The following HSPA12A variants were observed in gnomAD, a reference collection of about 807,000 sequenced individuals.
HSPA12A encodes heat shock protein family A (Hsp70) member 12A, also known as heat shock 70 kDa protein 12A.
A neutral mutation model predicts 69.2 loss-of-function variants in HSPA12A; 28 were observed. The ratio of observed to expected loss-of-function variants is 0.40; its 90% CI spans 0.30 to 0.55. The LOEUF is 0.55. Ranked by LOEUF, HSPA12A falls within the 20% of genes least tolerant of loss-of-function variation. The pLI, the probability that HSPA12A is intolerant of heterozygous loss-of-function variation, is 0.38. For missense variants in HSPA12A, 686 were observed against 900.7 expected (o/e 0.76, Z 3.05); for synonymous variants, 345 against 370.5 (o/e 0.93, Z 0.79).
intron 2 of HSPA12A, among the ~76,000 whole-genome samples, chr10:116,797,373 T>C (rs1004885289): frequency 6.7e-4 from 102 of 152,172 alleles, no homozygotes; most frequent in African/African-American, 2.5e-3. Flanking sequence ...CAGAAGGACC[T>C]GTGGACCAGC....
At position 116,676,497 on chromosome 10, in the gene HSPA12A, T is replaced by C; in HGVS notation, c.1292A>G (p.Asp431Gly). ...VEHALRKSNVDFVKWSSQGML... is the reference protein window; with the variant it reads ...VEHALRKSNVGFVKWSSQGML... ...CCCCTGCGAGGACCACTTCACAAAATCCACACTGCAGGAGCATAGCATGGA... is the reference window on the plus strand; with the variant it reads ...CCCCTGCGAGGACCACTTCACAAAACCCACACTGCAGGAGCATAGCATGGA... The change falls in exon 11 of 12, where the codon GAT (aspartate) becomes GGT (glycine). Residue 431 changes from aspartate (D) to glycine (G), a missense_variant. Asp to Gly is a moderately conservative substitution (Grantham distance 94, BLOSUM62 -1). Transcript: ENST00000369209. 1 of 1,613,228 alleles carries C rather than the reference T, an allele frequency of 6.2e-7. No individual in the cohort carries two copies.
chr10:116,756,956 G>A (rs782695215), intron 2 of HSPA12A, among the ~76,000 whole-genome samples: 6 of 152,126 alleles, frequency 3.9e-5, no homozygotes, highest in South Asian at 2.1e-4. Flanking sequence ...TCTCCATGGC[G>A]TATGTAACTC....
intron 1 of HSPA12A, among the ~76,000 whole-genome samples, chr10:116,715,207 C>G (rs1554883635): frequency 1.3e-5 from 2 of 152,208 alleles, no homozygotes; most frequent in African/African-American, 4.8e-5. Flanking sequence ...TCCAGTAGGT[C>G]TGAGGCTGGC....
At chr10:116,779,746 G>T (rs755850655) in intron 2 of HSPA12A, among the ~76,000 whole-genome samples, 10 of 152,118 alleles carry the variant, frequency 6.6e-5, no homozygotes, top group Non-Finnish European at 1.3e-4. Flanking sequence ...AATAACGCTG[G>T]GCATGTTGGG....
In HSPA12A at chr10:116,692,826, G is replaced by C. The variant is rs145630951; in HGVS notation, c.547-359C>G. On this transcript the variant is annotated intron_variant, in intron 5 of 11. Coordinates refer to ENST00000369209, the MANE Select transcript of HSPA12A (RefSeq NM_025015.3). ...TGCCAAGCTCCAACGATTGTTGAGA[G>C]GATTGATGATTTATGGAGAGCTACA... Among the ~76,000 whole-genome samples the C allele has an allele frequency of 1.9e-4, 29 of 152,290 alleles. No homozygotes were observed. The East Asian group carries it at 5.6e-3, about 29-fold the overall frequency.
intron 10 of HSPA12A, among the ~76,000 whole-genome samples, chr10:116,676,809 G>A (rs983717003): frequency 1.3e-5 from 2 of 152,196 alleles, no homozygotes; most frequent in Non-Finnish European, 2.9e-5. Context: ...TCTTTCGCAG[G>A]ACCACACTTT....
chr10:116,846,901 T>C (rs1845898206), intron 1 of HSPA12A, among the ~76,000 whole-genome samples: 1 of 152,178 alleles, frequency 6.6e-6, no homozygotes, highest in Non-Finnish European at 1.5e-5. Context: ...CCTTCTTCTC[T>C]AAACCCTTTT....
chr10:116,742,223 T>G (rs1380972551), intron 1 of HSPA12A, among the ~76,000 whole-genome samples: 1 of 151,770 alleles, frequency 6.6e-6, no homozygotes, highest in Non-Finnish European at 1.5e-5. Context: ...GCGCAGAACA[T>G]GTGACCCGCG....
chr10:116,847,018 G>A (rs1025251650), intron 1 of HSPA12A, among the ~76,000 whole-genome samples: 6 of 152,038 alleles, frequency 3.9e-5, no homozygotes, highest in South Asian at 4.2e-4. Context: ...CAAAGGATTC[G>A]TCTGTTCTTA....
chr10:116,808,163 A>T (rs978158718), intron 2 of HSPA12A, among the ~76,000 whole-genome samples: 4 of 152,084 alleles, frequency 2.6e-5, no homozygotes, highest in East Asian at 1.9e-4. Flanking sequence ...GGAATATAGA[A>T]GAGTTTGGCG....
intron 2 of HSPA12A, among the ~76,000 whole-genome samples, chr10:116,807,012 C>T (rs143758253): frequency 6.6e-6 from 1 of 152,298 alleles, no homozygotes; most frequent in African/African-American, 2.4e-5. Flanking sequence ...GATGTGAAGA[C>T]AGAGGTGGAG....
At chr10:116,736,484 A>C (rs1190272283) in intron 1 of HSPA12A, among the ~76,000 whole-genome samples, 2 of 152,144 alleles carry the variant, frequency 1.3e-5, no homozygotes, top group African/African-American at 4.8e-5. Flanking sequence ...CTCCTATGGG[A>C]AAAGGGAGTC....
chr10:116,752,357 T>A (rs1421373595), intron 2 of HSPA12A, among the ~76,000 whole-genome samples: 1 of 152,250 alleles, frequency 6.6e-6, no homozygotes, highest in Non-Finnish European at 1.5e-5. Context: ...AATTATCCCA[T>A]AGCAAGTCAG....
intron 1 of HSPA12A, among the ~76,000 whole-genome samples, chr10:116,721,878 G>A (rs1440401273): frequency 6.6e-6 from 1 of 152,228 alleles, no homozygotes; most frequent in Non-Finnish European, 1.5e-5. Context: ...TACATGTTAT[G>A]AAAGAATGAG....
intron 5 of HSPA12A, among the ~76,000 whole-genome samples, chr10:116,696,843 G>A (rs1490246372): frequency 6.6e-6 from 1 of 152,036 alleles, no homozygotes. Context: ...TTCCTTCTGA[G>A]CTGAGCCTGT....
intron 2 of HSPA12A, among the ~76,000 whole-genome samples, chr10:116,764,378 A>T (rs1014639807): frequency 6.6e-6 from 1 of 152,224 alleles, no homozygotes; most frequent in African/African-American, 2.4e-5. Flanking sequence ...AGATTCACTC[A>T]ATGAAATTCT....
At chr10:116,826,131 A>C (rs1845501140) in intron 2 of HSPA12A, among the ~76,000 whole-genome samples, 1 of 151,838 alleles carries the variant, frequency 6.6e-6, no homozygotes, top group Non-Finnish European at 1.5e-5. Context: ...ACTCCTATGC[A>C]CCTTCACAGC....
At chr10:116,815,239 T>G (rs1343391418) in intron 2 of HSPA12A, among the ~76,000 whole-genome samples, 1 of 95,970 alleles carries the variant, frequency 1.0e-5, no homozygotes, top group African/African-American at 4.4e-5. Context: ...CTGCCTCAGA[T>G]CCAAAAGACA....
intron 1 of HSPA12A, among the ~76,000 whole-genome samples, chr10:116,839,095 T>C (rs886603842): frequency 2.6e-5 from 4 of 152,238 alleles, no homozygotes; most frequent in African/African-American, 9.6e-5. Context: ...GTTGCAATGT[T>C]TGTATTCAAT....
Sources: allele counts gnomAD v4.1 joint callset (sites outside exome capture counted in the v4.1 genomes callset), GRCh38; gene constraint gnomAD v4.1.1; transcripts MANE v1.5; gene names NCBI Gene and HGNC (gene_info 2026-07-23, HGNC 2026-07-21).